CDH2: variants seen among roughly 807,000 people sequenced by gnomAD.
CDH2 encodes cadherin 2, also known as cadherin-2.
A neutral mutation model predicts 92.0 loss-of-function variants in CDH2; 17 were observed. That is an observed-to-expected ratio of 0.18 (90% CI 0.13 to 0.28). The LOEUF is 0.28. Among genes scored for constraint, CDH2 ranks in the 10% least tolerant of loss-of-function variants. The pLI, the probability that CDH2 is intolerant of heterozygous loss-of-function variation, is 1.00. For synonymous variants in CDH2, 419 were observed against 415.9 expected, an observed-to-expected ratio of 1.01 and a Z score of -0.09; for missense variants, 862 against 1,133.1, an observed-to-expected ratio of 0.76 and a Z score of 3.44.
chr18:28,037,435 T>G (rs2013857205), intron 2 of CDH2, among the ~76,000 whole-genome samples: 1 of 152,176 alleles, frequency 6.6e-6, no homozygotes, highest in Non-Finnish European at 1.5e-5. Flanking sequence ...AACAATCAAC[T>G]TTCTAGTTCA....
intron 3 of CDH2, among the ~76,000 whole-genome samples, 170 bp downstream of exon 3, chr18:28,013,513 C>T (rs1326550167): frequency 1.3e-5 from 2 of 152,112 alleles, no homozygotes; most frequent in Admixed American, 1.3e-4. Flanking sequence ...ATTTAGTCTA[C>T]GTATCTTAAG....
intron 2 of CDH2, among the ~76,000 whole-genome samples, chr18:28,025,491 C>A (rs566445459): frequency 2.6e-5 from 4 of 151,306 alleles, no homozygotes; most frequent in Non-Finnish European, 5.9e-5. Flanking sequence ...GAACTCCAAC[C>A]TGGGTGACAG....
At chr18:27,996,645 G>A (rs1195393179) in intron 7 of CDH2, among the ~76,000 whole-genome samples, 1 of 151,998 alleles carries the variant, frequency 6.6e-6, no homozygotes, top group African/African-American at 2.4e-5. Context: ...CTGTGCATGT[G>A]TGTGCATACA....
intron 6 of CDH2, among the ~76,000 whole-genome samples, chr18:27,938,634 A>C (rs1052430688): frequency 2.0e-5 from 3 of 152,176 alleles, no homozygotes; most frequent in Admixed American, 2.0e-4. Flanking sequence ...TAATAATTAT[A>C]CTATACCCTT....
chr18:28,015,835 T>C (rs1010346580), intron 2 of CDH2, among the ~76,000 whole-genome samples: 3 of 152,198 alleles, frequency 2.0e-5, no homozygotes, highest in Non-Finnish European at 4.4e-5. Context: ...TCTGTAACAT[T>C]ATATGTCAGA....
intron 1 of CDH2, among the ~76,000 whole-genome samples, chr18:28,168,188 C>A (rs2016413945): frequency 6.6e-6 from 1 of 152,002 alleles, no homozygotes; most frequent in Non-Finnish European, 1.5e-5. Context: ...TACAGTCAAG[C>A]CAAGTGTATC....
intron 1 of CDH2, among the ~76,000 whole-genome samples, chr18:28,174,226 G>A (rs1056487840): frequency 6.6e-6 from 1 of 151,736 alleles, no homozygotes; most frequent in East Asian, 1.9e-4. Context: ...AAAACTATCG[G>A]CTGCTTAGTC....
rs781477117 is a variant in CDH2 at position 27,985,657 on chromosome 18, G to T, written c.1846C>A (p.Pro616Thr). Residue 616 changes from proline to threonine, a missense_variant, in exon 12 of 16, where the codon CCA becomes ACA. Pro to Thr is a conservative substitution (Grantham distance 38). Transcript: ENST00000269141. ...GTAATATTAATTGAATTGGGGTCTGGAGTTTCGCAAGTCTCTGCCTCTTGA... is the reference window on the plus strand; with the variant it reads ...GTAATATTAATTGAATTGGGGTCTGTAGTTTCGCAAGTCTCTGCCTCTTGA... The part of the protein sequence containing the change: ...LPQEAETCET[P>T]DPNSINITAL... 16 of 1,613,882 alleles carry T rather than the reference G, an allele frequency of 9.9e-6. 1 individual carries two copies. In the South Asian group the frequency reaches 1.5e-4, roughly 16 times the overall value.
chr18:28,007,925 G>T (rs1484719932), intron 5 of CDH2, among the ~76,000 whole-genome samples: 5 of 152,000 alleles, frequency 3.3e-5, no homozygotes, highest in Admixed American at 2.6e-4. Flanking sequence ...GTATAGACAG[G>T]GTTTCACCAT....
chr18:27,982,479 T>C (rs1164630619), intron 14 of CDH2, among the ~76,000 whole-genome samples: 1 of 152,158 alleles, frequency 6.6e-6, no homozygotes, highest in Non-Finnish European at 1.5e-5. Flanking sequence ...CTCTTAAGGA[T>C]AGATATTTGT....
intron 2 of CDH2, among the ~76,000 whole-genome samples, chr18:28,123,491 T>C (rs574066003): frequency 3.9e-5 from 6 of 152,338 alleles, no homozygotes; most frequent in Admixed American, 3.9e-4. Context: ...AAATGATTTC[T>C]GTTCACTCAT....
At chr18:28,111,545 T>TGA (rs1568002680) in intron 2 of CDH2, among the ~76,000 whole-genome samples, 1 of 152,188 alleles carries the variant, frequency 6.6e-6, no homozygotes, top group Non-Finnish European at 1.5e-5. Flanking sequence ...ATAAATGAAC[T>TGA]GAGAATCAGA....
Position 28,024,200 on chromosome 18 carries a change from A to G in CDH2, c.173-10291T>C, listed in dbSNP as rs17493821. Among the ~76,000 whole-genome samples, 1,385 of 152,252 alleles carry G rather than the reference A, an allele frequency of 9.1e-3. 28 individuals carry two copies. The highest frequency in any genetic ancestry group is 0.032 in the African/African-American group (1,328 of 41,554). On this transcript the variant is annotated intron_variant, in intron 2 of 15. Transcript: ENST00000269141. ...TGCATGCAAATGAAATGTTTACTCC[A>G]TGTGTGAGAATAATTATAATGGCAC... is the stretch of plus-strand genomic sequence containing the variant.
At chr18:27,940,589 A>C (rs1909112444) in intron 6 of CDH2, among the ~76,000 whole-genome samples, 2 of 152,278 alleles carry the variant, frequency 1.3e-5, no homozygotes, top group South Asian at 4.1e-4. Context: ...TTCCACCCTG[A>C]GACTAATGAG....
At chr18:28,024,177 C>T (rs1243771702) in intron 2 of CDH2, among the ~76,000 whole-genome samples, 1 of 152,054 alleles carries the variant, frequency 6.6e-6, no homozygotes, top group Non-Finnish European at 1.5e-5. Flanking sequence ...ATCACTTTTG[C>T]ATGCAAATGA....
At position 27,990,326 on chromosome 18, in the gene CDH2, T is replaced by C. The variant is rs562836496; in HGVS notation, c.1369A>G (p.Met457Val). ...VKPIDFETNRMFVLTVAAENQ... is the reference protein window; with the variant it reads ...VKPIDFETNRVFVLTVAAENQ... The stretch of plus-strand genomic sequence containing the variant: ...TCTGCAGCAACAGTAAGGACAAACA[T>C]CCTATTTGTTTCAAAGTCGATTGGC... Residue 457 changes from methionine (M) to valine (V), a missense_variant, in exon 10 of 16, where the codon ATG becomes GTG. Coordinates refer to ENST00000269141, the MANE Select transcript of CDH2 (RefSeq NM_001792.5). The C allele has an allele frequency of 6.2e-7, 1 of 1,611,478 alleles. No homozygotes were observed. Among genetic ancestry groups the C allele is most frequent in the South Asian group, 1.1e-5 (1 of 90,954 alleles).
chr18:28,082,686 C>T (rs1257431648), intron 2 of CDH2, among the ~76,000 whole-genome samples: 1 of 152,160 alleles, frequency 6.6e-6, no homozygotes, highest in Non-Finnish European at 1.5e-5. Flanking sequence ...TATGACCACA[C>T]AGCTGTTCCT....
chr18:27,952,064 A>G lies in CDH2; in HGVS notation c.*89T>C. On this transcript the variant is annotated 3_prime_UTR_variant, in exon 16 of 16. Transcript: ENST00000269141. ...CCAGCAAGCACTGTGCTAGTAGACT[A>G]CAAAGTTAAAGCCTAGCTTCTGAAT... The G allele has an allele frequency of 1.7e-6, 2 of 1,185,124 alleles. No homozygotes were observed. The highest frequency in any genetic ancestry group is 2.5e-5 in the South Asian group (2 of 80,388). The allele number at this position is 1,185,124 out of a possible 1,614,324, so 73.4% of individuals were successfully genotyped here.
intron 2 of CDH2, 134 bp from the exon 3 acceptor site, chr18:28,014,043 T>C (rs2013175325): frequency 1.6e-6 from 1 of 635,448 alleles, no homozygotes; most frequent in Non-Finnish European, 2.7e-6. Flanking sequence ...GAAGTTTTAT[T>C]TTTATTTTAT....
Sources: gnomAD v4.1 joint callset for allele counts (sites outside exome capture counted in the v4.1 genomes callset) on GRCh38, gnomAD v4.1.1 for gene constraint, MANE v1.5 for transcripts, NCBI Gene and HGNC (gene_info 2026-07-23, HGNC 2026-07-21) for gene names.